Variants in PPP4R4 observed in about 807,000 individuals in gnomAD.
PPP4R4 encodes serine/threonine-protein phosphatase 4 regulatory subunit 4.
PPP4R4 carries 70 observed loss-of-function variants against 121.8 expected under a neutral mutation model. That is an observed-to-expected ratio of 0.57 (90% confidence interval 0.47 to 0.70). The LOEUF (loss-of-function observed/expected upper bound fraction) is 0.70, where lower values mean the gene tolerates loss of function less well. PPP4R4 is among the 30% of genes least tolerant of loss of function. PPP4R4 has a pLI of 0.00. For synonymous variants in PPP4R4, 348 were observed against 355.7 expected (o/e 0.98, Z 0.24); for missense variants, 875 against 1,033.6 (o/e 0.85, Z 2.10).
chr14:94,220,989 CATAAT>C (rs1891356727), intron 3 of PPP4R4, among the ~76,000 whole-genome samples: 1 of 152,080 alleles, frequency 6.6e-6, no homozygotes, highest in Non-Finnish European at 1.5e-5. Context: ...GATTTCAAGA[CATAAT>C]ATATAGCCAC....
In PPP4R4 at chr14:94,270,917, C is replaced by CAAAA. The variant is rs201555650; in HGVS notation, c.2449+3896_2449+3899dup. 8.9e-5 allele frequency among the ~76,000 whole-genome samples: 12 copies of CAAAA among 135,460 alleles called. No homozygotes were observed. The East Asian group carries it at 1.6e-3, about 18-fold the overall frequency. 88.9% of individuals were successfully genotyped at this position (135,460 alleles called of 152,430 possible). A position where few individuals can be genotyped will look rare whatever the true frequency, so the allele number is the denominator to read the frequency against. ...TGGGAGACAGAGTGAGACTCCATCT[C>CAAAA]AAAAAAAAAAACAACAACAACAACA... On this transcript the variant is annotated intron_variant, in intron 23 of 24. Transcript: ENST00000304338.
intron 16 of PPP4R4, among the ~76,000 whole-genome samples, chr14:94,255,369 C>T (rs1347457010): frequency 6.8e-6 from 1 of 147,542 alleles, no homozygotes; most frequent in Admixed American, 6.7e-5. Context: ...GAGGCCAAGG[C>T]AGGCGGATCA....
intron 11 of PPP4R4, 51 bp downstream of exon 11, chr14:94,242,459 T>C (rs767325364): frequency 1.3e-6 from 2 of 1,529,906 alleles, no homozygotes; most frequent in Non-Finnish European, 1.8e-6. Flanking sequence ...ATTCTACCTA[T>C]GTATACTAGA....
chr14:94,191,289 G>A (rs953656359), intron 2 of PPP4R4, among the ~76,000 whole-genome samples: 2 of 152,048 alleles, frequency 1.3e-5, no homozygotes, highest in Admixed American at 6.5e-5. Flanking sequence ...TTGTACCCTC[G>A]TTGGTATAAA....
At chr14:94,251,998 C>T in intron 16 of PPP4R4, 102 bp downstream of exon 16, 4 of 980,780 alleles carry the variant, frequency 4.1e-6, no homozygotes, top group Admixed American at 3.0e-5. Context: ...AAACTTAAGT[C>T]AAGAATTTAC....
chr14:94,227,435 T>C (rs1891779733), intron 3 of PPP4R4: 1 of 1,565,808 alleles, frequency 6.4e-7, no homozygotes, highest in African/African-American at 1.4e-5. Context: ...AGAAAATCAG[T>C]TGATTTTTAG....
rs892281335 is a variant in PPP4R4, at chr14:94,270,323, G to T, written c.2449+3294G>T. 2.0e-5 allele frequency among the ~76,000 whole-genome samples: 3 copies of T among 152,106 alleles called. No homozygotes were observed. In the South Asian group the frequency reaches 6.2e-4, roughly 31 times the overall value. On this transcript the variant is annotated intron_variant, in intron 23 of 24. Transcript: ENST00000304338. ...CAGTTTTTTTCTAAATTGATCCAGA[G>T]ATTCAGTGAAATCCTAATTAAAATT... is the stretch of plus-strand genomic sequence containing the variant.
intron 3 of PPP4R4, among the ~76,000 whole-genome samples, chr14:94,218,420 C>T (rs1237205734): frequency 7.4e-6 from 1 of 134,610 alleles, no homozygotes; most frequent in Non-Finnish European, 1.6e-5. Context: ...CCCCTAGACA[C>T]CGCACGCGCG....
chr14:94,258,826 T>C lies in PPP4R4; in HGVS notation c.2052+2T>C. The C allele has an allele frequency of 6.3e-7, 1 of 1,586,452 alleles. No homozygotes were observed. Among genetic ancestry groups the C allele is most frequent in the South Asian group, 1.1e-5 (1 of 90,380 alleles). On this transcript the variant is annotated splice_donor_variant, in intron 18 of 24. Coordinates refer to ENST00000304338, the MANE Select transcript of PPP4R4 (RefSeq NM_058237.2). LOFTEE classifies it high-confidence loss of function. ...AGAATGGAAATGTCTATGGATGCTG[T>C]AAGTATACTCTCTTTACCTTATTGT...
chr14:94,182,335 T>C (rs1180557490), intron 2 of PPP4R4, among the ~76,000 whole-genome samples: 1 of 152,210 alleles, frequency 6.6e-6, no homozygotes, highest in African/African-American at 2.4e-5. Context: ...TGTTGAATTT[T>C]CACAAGTGAA....
chr14:94,249,161 AT>A (rs1484320772), intron 14 of PPP4R4, among the ~76,000 whole-genome samples: 2 of 152,096 alleles, frequency 1.3e-5, no homozygotes, highest in Non-Finnish European at 2.9e-5. Flanking sequence ...TATATATAAA[AT>A]GAAAGAAAAG....
intron 5 of PPP4R4, among the ~76,000 whole-genome samples, chr14:94,232,120 C>T (rs1288322839): frequency 6.6e-6 from 1 of 151,976 alleles, no homozygotes; most frequent in African/African-American, 2.4e-5. Context: ...TATTAATTTT[C>T]AACATTGAAC....
intron 19 of PPP4R4, 68 bp from the exon 20 acceptor site, chr14:94,264,809 AT>A: frequency 8.2e-7 from 1 of 1,214,550 alleles, no homozygotes; most frequent in South Asian, 1.3e-5. Context: ...CTAATGCTTA[AT>A]TTCTCAGAAC....
At chr14:94,264,461 A>G (rs1287611619) in intron 19 of PPP4R4, among the ~76,000 whole-genome samples, 3 of 152,026 alleles carry the variant, frequency 2.0e-5, no homozygotes, top group Non-Finnish European at 4.4e-5. Context: ...CTCTCTATGT[A>G]TATTATACTT....
At chr14:94,209,529 G>C (rs1890631531) in intron 3 of PPP4R4, among the ~76,000 whole-genome samples, 1 of 152,092 alleles carries the variant, frequency 6.6e-6, no homozygotes, top group South Asian at 2.1e-4. Flanking sequence ...CATTTTGACT[G>C]ATTACAATGG....
intron 20 of PPP4R4, 100 bp downstream of exon 20, chr14:94,265,047 A>G: frequency 9.3e-7 from 1 of 1,072,354 alleles, no homozygotes; most frequent in Non-Finnish European, 1.4e-6. Flanking sequence ...GATATGGAAA[A>G]TTGCTTTACT....
At position 94,246,402 on chromosome 14, in the gene PPP4R4, C is replaced by G; in HGVS notation, c.1474C>G (p.Gln492Glu). ...DLIPALTAAE[Q>E]RAAASLKWRT... ...GATTCCAGCACTCACAGCTGCTGAA[C>G]AGCGAGCTGCAGCCTCTTTAAAATG... is the stretch of plus-strand genomic sequence containing the variant. The change falls in exon 14 of 25, where the codon CAG becomes GAG. Residue 492 changes from glutamine (Q) to glutamate (E), a missense_variant. By Grantham distance (29) the Gln-to-Glu change is conservative. Transcript: ENST00000304338. 1.9e-6 allele frequency: 3 copies of G among 1,613,842 alleles called. No individual in the cohort carries two copies. The highest frequency in any genetic ancestry group is 2.2e-5 in the South Asian group (2 of 91,030).
chr14:94,263,567 G>A (rs2139637948), intron 19 of PPP4R4, among the ~76,000 whole-genome samples: 1 of 152,274 alleles, frequency 6.6e-6, no homozygotes, highest in Middle Eastern at 3.4e-3. Context: ...ATTCAGGATT[G>A]CCAGTGGGAG....
At chr14:94,226,337 C>G (rs1466359485) in intron 3 of PPP4R4, among the ~76,000 whole-genome samples, 1 of 152,122 alleles carries the variant, frequency 6.6e-6, no homozygotes, top group Non-Finnish European at 1.5e-5. Flanking sequence ...CCTCATGAAT[C>G]TTGCTAATCA....
Sources: allele counts gnomAD v4.1 joint callset (sites outside exome capture counted in the v4.1 genomes callset), GRCh38; gene constraint gnomAD v4.1.1; transcripts MANE v1.5; gene names NCBI Gene and HGNC (gene_info 2026-07-23, HGNC 2026-07-21).